GALNT14: variants seen among roughly 807,000 people sequenced by gnomAD.
The protein encoded by GALNT14 is polypeptide N-acetylgalactosaminyltransferase 14, also known as UDP-GalNAc:polypeptide N-acetylgalactosaminyltransferase 14.
A neutral mutation model predicts 77.5 loss-of-function variants in GALNT14; 60 were observed. That is an observed-to-expected ratio of 0.77 (90% CI 0.63 to 0.96). The LOEUF (loss-of-function observed/expected upper bound fraction) is 0.96, where lower values mean the gene tolerates loss of function less well. Among genes scored for constraint, GALNT14 ranks in the 40% least tolerant of loss-of-function variants. GALNT14 has a pLI of 0.00. For missense variants in GALNT14, 710 were observed against 731.0 expected (o/e 0.97, Z 0.33); for synonymous variants, 280 against 281.7 (o/e 0.99, Z 0.06).
the GALNT14 span, among the ~76,000 whole-genome samples, chr2:30,899,209 C>G: frequency 2.6e-5 from 4 of 152,224 alleles, no homozygotes; most frequent in African/African-American, 9.6e-5. Context: ...CATTTTCCTT[C>G]CTTCATCCCA....
the GALNT14 span, among the ~76,000 whole-genome samples, chr2:30,893,948 T>C: frequency 6.6e-6 from 1 of 152,214 alleles, no homozygotes; most frequent in Non-Finnish European, 1.5e-5. Flanking sequence ...TGTTACATCT[T>C]GAGCTTCTCA....
chr2:31,119,132 G>T (rs1236396952), intron 1 of GALNT14, among the ~76,000 whole-genome samples: 1 of 152,106 alleles, frequency 6.6e-6, no homozygotes. Context: ...GGAAATTTGG[G>T]ATATTCTATG....
intron 1 of GALNT14, among the ~76,000 whole-genome samples, chr2:31,023,660 A>G (rs1018778279): frequency 2.0e-5 from 3 of 152,076 alleles, no homozygotes; most frequent in African/African-American, 7.2e-5. Context: ...GTTAAATCCA[A>G]TCGGCATTCC....
chr2:30,995,093 A>G (rs1486898696), intron 1 of GALNT14, among the ~76,000 whole-genome samples: 1 of 143,326 alleles, frequency 7.0e-6, no homozygotes. Flanking sequence ...AAAAGGCAGT[A>G]TATTAGTCAG....
Position 31,068,521 on chromosome 2 carries a change from AAAAAG to A in GALNT14, c.129+69432_129+69436del, listed in dbSNP as rs1558543194. Among the ~76,000 whole-genome samples the A allele has an allele frequency of 4.0e-5, 6 of 151,552 alleles. No homozygotes were observed. The South Asian group carries it at 1.0e-3, about 26-fold the overall frequency. ...AGACCCCGTCTCAAAAAAAAAAAAA[AAAAAG>A]AAAAGAAAAGAAAGGTCCATAACTA... On this transcript the variant is annotated intron_variant, in intron 1 of 14. Coordinates refer to ENST00000349752, the MANE Select transcript of GALNT14 (RefSeq NM_024572.4).
chr2:31,100,915 A>G (rs1200502804), intron 1 of GALNT14, among the ~76,000 whole-genome samples: 1 of 152,024 alleles, frequency 6.6e-6, no homozygotes, highest in East Asian at 1.9e-4. Context: ...CACAAACCCT[A>G]TTTTATAATG....
rs147936093 is a variant in GALNT14, at chr2:31,063,057, C to G, written c.130-70050G>C. Among the ~76,000 whole-genome samples, 203 of 152,260 alleles carry G rather than the reference C, an allele frequency of 1.3e-3. 1 individual carries two copies. The highest frequency in any genetic ancestry group is 4.5e-3 in the African/African-American group (189 of 41,554). On this transcript the variant is annotated intron_variant, in intron 1 of 14. Transcript: ENST00000349752. ...TAGTTTCTTTTGCTGTGCAGAAGCT[C>G]TTTAGGATTAGATCCATTTGTTAAT...
chr2:31,097,969 G>A (rs1434798470), intron 1 of GALNT14, among the ~76,000 whole-genome samples: 2 of 152,090 alleles, frequency 1.3e-5, no homozygotes, highest in Non-Finnish European at 2.9e-5. Flanking sequence ...TAATTTCCAT[G>A]ATCTGTTCCA....
intron 6 of GALNT14, 49 bp from the exon 7 acceptor site, chr2:30,945,919 G>C (rs1666667410): frequency 6.5e-7 from 1 of 1,527,720 alleles, no homozygotes; most frequent in Non-Finnish European, 9.1e-7. Context: ...AGCCCAGCTG[G>C]GAGTCAGGGA....
Position 30,910,958 on chromosome 2 carries a change from G to A in GALNT14, c.1602C>T (p.Val534=), listed in dbSNP as rs1274769856. The A allele has an allele frequency of 5.0e-6, 8 of 1,614,000 alleles. No homozygotes were observed. The highest frequency in any genetic ancestry group is 4.4e-5 in the South Asian group (4 of 91,060). Residue 534 remains valine (V), a synonymous_variant, in exon 15 of 15, where the codon GTC becomes GTT. Coordinates refer to ENST00000349752, the MANE Select transcript of GALNT14 (RefSeq NM_024572.4). The part of the protein sequence containing the change: ...GDGTENGKEI[V]VNPCESSLMS... ...TGAGTGAGGACTCACATGGGTTGACGACGATTTCCTTGCCGTTCTCGGTGC... is the reference window on the plus strand; with the variant it reads ...TGAGTGAGGACTCACATGGGTTGACAACGATTTCCTTGCCGTTCTCGGTGC...
At chr2:30,914,103 G>A (rs1048673855) in intron 13 of GALNT14, among the ~76,000 whole-genome samples, 10 of 152,134 alleles carry the variant, frequency 6.6e-5, no homozygotes, top group African/African-American at 1.4e-4. Context: ...TTTATTGAGC[G>A]CTTATGATGT....
At chr2:31,016,391 G>A (rs189273490) in intron 1 of GALNT14, among the ~76,000 whole-genome samples, 286 of 152,214 alleles carry the variant, frequency 1.9e-3, no homozygotes, top group African/African-American at 6.7e-3. Flanking sequence ...GAGCTCCAAC[G>A]TATGAATGGT....
intron 1 of GALNT14, among the ~76,000 whole-genome samples, chr2:31,030,772 C>A (rs909924716): frequency 6.6e-6 from 1 of 152,146 alleles, no homozygotes; most frequent in African/African-American, 2.4e-5. Context: ...AGGCTTCCAG[C>A]CCCTGGAATA....
intron 1 of GALNT14, among the ~76,000 whole-genome samples, chr2:31,086,737 C>T (rs1676447811): frequency 6.6e-6 from 1 of 152,074 alleles, no homozygotes; most frequent in African/African-American, 2.4e-5. Context: ...TTAGTCCTCC[C>T]GTACCTAAGG....
intron 1 of GALNT14, among the ~76,000 whole-genome samples, chr2:31,026,684 C>G (rs1452346393): frequency 6.6e-6 from 1 of 152,200 alleles, no homozygotes; most frequent in Admixed American, 6.5e-5. Context: ...AGACTGTGGA[C>G]CAGTCTTTTC....
At chr2:31,052,702 G>A (rs1029808031) in intron 1 of GALNT14, among the ~76,000 whole-genome samples, 6 of 152,174 alleles carry the variant, frequency 3.9e-5, no homozygotes, top group African/African-American at 9.7e-5. Context: ...GGCGGCAGGC[G>A]CTTTAGAAAT....
intron 1 of GALNT14, among the ~76,000 whole-genome samples, chr2:31,064,486 T>C (rs1674807518): frequency 6.6e-6 from 1 of 152,214 alleles, no homozygotes; most frequent in South Asian, 2.1e-4. Flanking sequence ...ACCCAGTTCA[T>C]ATCTGGGGAC....
intron 1 of GALNT14, among the ~76,000 whole-genome samples, chr2:31,033,116 G>A (rs1672511748): frequency 6.6e-6 from 1 of 152,138 alleles, no homozygotes; most frequent in Admixed American, 6.5e-5. Flanking sequence ...TGAGTGGGCT[G>A]CTTCTCCCAA....
intron 1 of GALNT14, among the ~76,000 whole-genome samples, chr2:31,101,464 A>AT (rs200647010): frequency 0.073 from 11,068 of 152,002 alleles, 770 homozygotes; most frequent in African/African-American, 0.17. Context: ...TTTTCTTTGA[A>AT]GAATGTATAC....
Sources: allele counts gnomAD v4.1 joint callset (sites outside exome capture counted in the v4.1 genomes callset), GRCh38; gene constraint gnomAD v4.1.1; transcripts MANE v1.5; gene names NCBI Gene and HGNC (gene_info 2026-07-23, HGNC 2026-07-21).